The following STK10 variants were observed in gnomAD, a reference collection of about 807,000 sequenced individuals.
STK10 encodes the protein serine/threonine-protein kinase 10.
STK10 carries 78 observed loss-of-function variants against 113.8 expected under a neutral mutation model. The ratio of observed to expected loss-of-function variants is 0.69; its 90% CI spans 0.57 to 0.83. STK10 has a LOEUF of 0.83. STK10 is among the 40% of genes least tolerant of loss of function. STK10 has a pLI of 0.00. For missense variants in STK10, 1,109 were observed against 1,280.1 expected (o/e 0.87, Z 2.04); for synonymous variants, 465 against 494.7 (o/e 0.94, Z 0.80).
intron 7 of STK10, among the ~76,000 whole-genome samples, chr5:172,101,398 G>T (rs893368302): frequency 2.6e-5 from 4 of 151,934 alleles, no homozygotes; most frequent in South Asian, 2.1e-4. Flanking sequence ...TTGAACCCAG[G>T]GGGTGGAGGC....
chr5:172,109,372 G>A (rs1179331674), intron 4 of STK10, among the ~76,000 whole-genome samples: 1 of 151,240 alleles, frequency 6.6e-6, no homozygotes, highest in Middle Eastern at 3.2e-3. Context: ...ACCCAAGCTG[G>A]AGTGCAGTGG....
At chr5:172,091,724 G>A (rs1768711498) in intron 9 of STK10, among the ~76,000 whole-genome samples, 1 of 152,108 alleles carries the variant, frequency 6.6e-6, no homozygotes, top group Non-Finnish European at 1.5e-5. Flanking sequence ...AGTAGAGACA[G>A]GGTTTCACCA....
chr5:172,077,709 A>C (rs1221600040), intron 12 of STK10, among the ~76,000 whole-genome samples: 2 of 152,004 alleles, frequency 1.3e-5, no homozygotes, highest in Non-Finnish European at 2.9e-5. Context: ...CAATTGCTGT[A>C]ATACTGAAGA....
At chr5:172,085,583 G>A (rs2113735019) in intron 10 of STK10, among the ~76,000 whole-genome samples, 1 of 151,558 alleles carries the variant, frequency 6.6e-6, no homozygotes, top group South Asian at 2.1e-4. Flanking sequence ...CAGCTACTTG[G>A]GAGGCTGAGG....
chr5:172,163,264 A>G (rs972322117), intron 1 of STK10, among the ~76,000 whole-genome samples: 6 of 152,166 alleles, frequency 3.9e-5, no homozygotes, highest in Non-Finnish European at 8.8e-5. Context: ...AAAGATTCAG[A>G]GAGGTGGGGT....
At chr5:172,115,869 T>C (rs1769372732) in intron 4 of STK10, among the ~76,000 whole-genome samples, 1 of 152,102 alleles carries the variant, frequency 6.6e-6, no homozygotes, top group South Asian at 2.1e-4. Context: ...TAGCAGGAAA[T>C]AGCAATGCTG....
chr5:172,056,696 C>T (rs1028607486), intron 15 of STK10, among the ~76,000 whole-genome samples: 1 of 145,008 alleles, frequency 6.9e-6, no homozygotes, highest in Non-Finnish European at 1.5e-5. Flanking sequence ...GGTGAAAGCC[C>T]AACTCTGCTA....
At chr5:172,049,486 G>C (rs2113683182) in intron 18 of STK10, among the ~76,000 whole-genome samples, 1 of 152,076 alleles carries the variant, frequency 6.6e-6, no homozygotes, top group East Asian at 1.9e-4. Flanking sequence ...ATATGGCATG[G>C]AGATCTATTT....
At chr5:172,167,472 C>A (rs890945277) in intron 1 of STK10, among the ~76,000 whole-genome samples, 1 of 152,086 alleles carries the variant, frequency 6.6e-6, no homozygotes, top group Non-Finnish European at 1.5e-5. Context: ...TGAAGTCAAG[C>A]GATTTATAAA....
intron 5 of STK10, among the ~76,000 whole-genome samples, chr5:172,107,280 C>T (rs898933373): frequency 1.3e-5 from 2 of 152,126 alleles, no homozygotes; most frequent in African/African-American, 4.8e-5. Flanking sequence ...ATTGGAAACA[C>T]GGCAAACAGA....
chr5:172,071,212 CAAAAA>C (rs369407918), intron 12 of STK10, among the ~76,000 whole-genome samples: 20 of 26,590 alleles, frequency 7.5e-4, no homozygotes, highest in African/African-American at 2.0e-3. Flanking sequence ...CTCTCTATCT[CAAAAA>C]AAAAAAAAAA....
intron 1 of STK10, among the ~76,000 whole-genome samples, chr5:172,163,767 A>G (rs753513065): frequency 1.6e-4 from 24 of 152,176 alleles, no homozygotes; most frequent in Non-Finnish European, 2.8e-4. Flanking sequence ...CTGCCCTCCC[A>G]TATCATAATT....
At chr5:172,122,675 G>A (rs1170483934) in intron 3 of STK10, among the ~76,000 whole-genome samples, 1 of 152,184 alleles carries the variant, frequency 6.6e-6, no homozygotes, top group African/African-American at 2.4e-5. Flanking sequence ...CCAGGCTGGA[G>A]TGCAGTGGCA....
chr5:172,050,107 C>T (rs1767595427), intron 18 of STK10, among the ~76,000 whole-genome samples: 2 of 152,162 alleles, frequency 1.3e-5, no homozygotes, highest in South Asian at 4.1e-4. Flanking sequence ...CAGGCCCACT[C>T]ATAGTATTTT....
At chr5:172,182,022 A>AAGGCCGGCT (rs1413382640) in intron 1 of STK10, among the ~76,000 whole-genome samples, 1 of 152,068 alleles carries the variant, frequency 6.6e-6, no homozygotes, top group Non-Finnish European at 1.5e-5. Context: ...AAAGTTTAAA[A>AAGGCCGGCT]AGGCCGGCTC....
intron 12 of STK10, among the ~76,000 whole-genome samples, chr5:172,065,832 C>T (rs1454442947): frequency 6.6e-6 from 1 of 151,772 alleles, no homozygotes; most frequent in Non-Finnish European, 1.5e-5. Flanking sequence ...CTGAGATGAA[C>T]TCAGCACAGG....
chr5:172,129,829 C>T (rs1360726683), intron 2 of STK10, among the ~76,000 whole-genome samples: 2 of 152,196 alleles, frequency 1.3e-5, no homozygotes, highest in African/African-American at 4.8e-5. Context: ...AGCTGGGCGA[C>T]CTGTGAGATG....
At chr5:172,086,543 C>T (rs1338761421) in intron 10 of STK10, among the ~76,000 whole-genome samples, 1 of 152,174 alleles carries the variant, frequency 6.6e-6, no homozygotes, top group Non-Finnish European at 1.5e-5. Flanking sequence ...CGGCAGAAGC[C>T]GTTTTAGGGA....
chr5:172,118,779 T>G (rs1400699778), intron 3 of STK10, among the ~76,000 whole-genome samples: 1 of 149,682 alleles, frequency 6.7e-6, no homozygotes, highest in Admixed American at 6.8e-5. Flanking sequence ...CTCAGGAGGC[T>G]GAGGCAGGAG....
Sources: allele counts gnomAD v4.1 joint callset (sites outside exome capture counted in the v4.1 genomes callset), GRCh38; gene constraint gnomAD v4.1.1; transcripts MANE v1.5; gene names NCBI Gene and HGNC (gene_info 2026-07-23, HGNC 2026-07-21).